Variants in CLASP2 observed in about 807,000 individuals in gnomAD.
The protein encoded by CLASP2 is cytoplasmic linker associated protein 2.
CLASP2 carries 47 observed loss-of-function variants against 194.4 expected under a neutral mutation model. That is an observed-to-expected ratio of 0.24 (90% confidence interval 0.19 to 0.31). CLASP2 has a LOEUF of 0.31. Ranked by LOEUF, CLASP2 falls within the 10% of genes least tolerant of loss-of-function variation. The probability of loss-of-function intolerance (pLI) is 1.00; values close to 1 mark genes in which losing one functional copy is unlikely to be tolerated. For missense variants in CLASP2, 1,445 were observed against 1,823.6 expected, an observed-to-expected ratio of 0.79 and a Z score of 3.78; for synonymous variants, 619 against 633.5, an observed-to-expected ratio of 0.98 and a Z score of 0.34.
rs532649368 is a variant in CLASP2 at position 33,568,658 on chromosome 3, T to C, written c.2764-1924A>G. ...CCCAACACACACATTTGTTTGTTCA[T>C]TGCCTGTTAAGGGTGCCTTCATGCT... On this transcript the variant is annotated intron_variant, in intron 26 of 38. Coordinates refer to ENST00000682230, the MANE Select transcript of CLASP2 (RefSeq NM_001365631.1). Among the ~76,000 whole-genome samples the C allele has an allele frequency of 5.9e-5, 9 of 151,906 alleles. No individual in the cohort carries two copies. The South Asian group carries it at 1.5e-3, about 25-fold the overall frequency.
intron 28 of CLASP2, among the ~76,000 whole-genome samples, chr3:33,560,254 T>C (rs1056421335): frequency 1.1e-4 from 16 of 152,070 alleles, no homozygotes; most frequent in Admixed American, 9.2e-4. Context: ...TTTTTTTTCT[T>C]TTTTTTGAGA....
intron 1 of CLASP2, among the ~76,000 whole-genome samples, chr3:33,705,573 T>TA (rs1373314655): frequency 2.6e-5 from 4 of 152,190 alleles, no homozygotes; most frequent in Non-Finnish European, 4.4e-5. Flanking sequence ...TGTTAAAATT[T>TA]AAAATCCAAA....
chr3:33,676,544 A>AAAAT (rs776457898), intron 6 of CLASP2, among the ~76,000 whole-genome samples: 3,070 of 151,480 alleles, frequency 0.02, 47 homozygotes, highest in Middle Eastern at 0.051. Context: ...CCTTATACAA[A>AAAAT]AATCAATTCA....
intron 26 of CLASP2, among the ~76,000 whole-genome samples, chr3:33,569,964 C>T (rs940420512): frequency 6.6e-6 from 1 of 152,048 alleles, no homozygotes; most frequent in African/African-American, 2.4e-5. Flanking sequence ...AAGTGAAATT[C>T]ATTAATATTT....
chr3:33,595,570 T>C (rs1044603039), intron 19 of CLASP2, among the ~76,000 whole-genome samples: 2 of 152,062 alleles, frequency 1.3e-5, no homozygotes, highest in African/African-American at 4.8e-5. Flanking sequence ...ACAAACATCA[T>C]AACTCACTAC....
At chr3:33,595,052 T>A in intron 19 of CLASP2, 84 bp from the exon 20 acceptor site, 1 of 725,396 alleles carries the variant, frequency 1.4e-6, no homozygotes, top group Non-Finnish European at 2.0e-6. Flanking sequence ...CACCCAACAC[T>A]ACAATGAAAG....
At chr3:33,696,340 A>G (rs1383800007) in intron 2 of CLASP2, among the ~76,000 whole-genome samples, 1 of 98,068 alleles carries the variant, frequency 1.0e-5, no homozygotes, top group African/African-American at 3.8e-5. Context: ...AGTAAAAACA[A>G]TTTTCTTTCT....
intron 37 of CLASP2, among the ~76,000 whole-genome samples, 152 bp downstream of exon 37, chr3:33,510,406 C>A (rs2049405746): frequency 6.6e-6 from 1 of 152,118 alleles, no homozygotes; most frequent in Non-Finnish European, 1.5e-5. Context: ...CATCTATAAC[C>A]CCCTGGCTAG....
chr3:33,616,277 T>C (rs2076147084), intron 12 of CLASP2, among the ~76,000 whole-genome samples: 1 of 151,980 alleles, frequency 6.6e-6, no homozygotes, highest in Non-Finnish European at 1.5e-5. Context: ...AGATTCAAGA[T>C]GCCCAGAGCC....
chr3:33,587,570 CAATGA>C (rs1333531000), intron 21 of CLASP2, among the ~76,000 whole-genome samples: 4 of 152,036 alleles, frequency 2.6e-5, no homozygotes, highest in African/African-American at 9.7e-5. Flanking sequence ...GCAGTGTTTC[CAATGA>C]AATTAACAAT....
In CLASP2 at chr3:33,506,377, C is replaced by CAAAAAAAAAAAAAAA; in HGVS notation, c.4317+4180_4317+4181insTTTTTTTTTTTTTTT. 9.2e-4 allele frequency among the ~76,000 whole-genome samples: 57 copies of CAAAAAAAAAAAAAAA among 61,872 alleles called. 17 individuals are homozygous for CAAAAAAAAAAAAAAA. The highest frequency in any genetic ancestry group is 3.1e-3 in the African/African-American group (54 of 17,536). The allele number at this position is 61,872 out of a possible 152,430, so 40.6% of individuals were successfully genotyped here. A position where few individuals can be genotyped will look rare whatever the true frequency, so the allele number is the denominator to read the frequency against. ...TGGGTGACAGAGTGAGACTCTGTCT[C>CAAAAAAAAAAAAAAA]GAAAAAAAAAAAAAAAAAAAAAAAA... On this transcript the variant is annotated intron_variant, in intron 37 of 38. Transcript: ENST00000682230.
intron 38 of CLASP2, among the ~76,000 whole-genome samples, 163 bp from the exon 39 acceptor site, chr3:33,498,880 AT>A (rs540467144): frequency 5.3e-5 from 8 of 150,088 alleles, no homozygotes; most frequent in East Asian, 3.9e-4. Flanking sequence ...ATAACAAATT[AT>A]TTTTTTTTTG....
intron 22 of CLASP2, 121 bp downstream of exon 22, chr3:33,584,629 A>G: frequency 1.1e-6 from 1 of 908,144 alleles, no homozygotes; most frequent in Non-Finnish European, 1.6e-6. Flanking sequence ...TTGAATTTTT[A>G]AGTTATTTTC....
At chr3:33,574,374 TCTA>T (rs1215511350) in intron 24 of CLASP2, 1 of 718,538 alleles carries the variant, frequency 1.4e-6, no homozygotes, top group East Asian at 2.9e-5. Context: ...GGATTTTACT[TCTA>T]CTTTGATTTT....
intron 5 of CLASP2, among the ~76,000 whole-genome samples, chr3:33,685,268 G>C (rs1292673444): frequency 2.0e-5 from 3 of 148,814 alleles, no homozygotes; most frequent in Non-Finnish European, 4.4e-5. Context: ...CTTGAACCAG[G>C]GAGGTGGAGG....
chr3:33,521,879 TC>T (rs892004215), intron 34 of CLASP2, among the ~76,000 whole-genome samples: 112 of 138,322 alleles, frequency 8.1e-4, no homozygotes, highest in Middle Eastern at 7.5e-3. Context: ...AACTACCCAC[TC>T]CCCCCTCCAC....
At chr3:33,594,769 TA>T (rs533766803) in intron 20 of CLASP2, among the ~76,000 whole-genome samples, 181 bp downstream of exon 20, 79 of 142,898 alleles carry the variant, frequency 5.5e-4, no homozygotes, top group Admixed American at 7.0e-4. Context: ...GATGAAGAAT[TA>T]AAAAAAAAAA....
intron 34 of CLASP2, among the ~76,000 whole-genome samples, chr3:33,532,110 G>A (rs368588099): frequency 6.6e-6 from 1 of 152,140 alleles, no homozygotes; most frequent in Non-Finnish European, 1.5e-5. Flanking sequence ...GCCAAAACTT[G>A]GAAGCAACAC....
intron 34 of CLASP2, among the ~76,000 whole-genome samples, chr3:33,527,538 T>C (rs896572974): frequency 6.6e-6 from 1 of 152,082 alleles, no homozygotes; most frequent in African/African-American, 2.4e-5. Context: ...CTACCAGATG[T>C]ACAAATAAAA....
Sources: gnomAD v4.1 joint callset for allele counts (sites outside exome capture counted in the v4.1 genomes callset) on GRCh38, gnomAD v4.1.1 for gene constraint, MANE v1.5 for transcripts, NCBI Gene and HGNC (gene_info 2026-07-23, HGNC 2026-07-21) for gene names.